Variants in STK38 observed in about 807,000 individuals in gnomAD.
The protein encoded by STK38 is serine/threonine-protein kinase 38.
A neutral mutation model predicts 59.0 loss-of-function variants in STK38; 26 were observed. That is an observed-to-expected ratio of 0.44 (90% CI 0.32 to 0.61). The LOEUF (loss-of-function observed/expected upper bound fraction) is 0.61. Ranked by LOEUF, STK38 falls within the 20% of genes least tolerant of loss-of-function variation. The pLI is 0.04. For missense variants in STK38, 433 were observed against 566.0 expected (o/e 0.76, Z 2.38); for synonymous variants, 175 against 176.6 (o/e 0.99, Z 0.07).
chr6:36,513,009 C>A (rs1178240638), intron 7 of STK38, among the ~76,000 whole-genome samples: 1 of 151,574 alleles, frequency 6.6e-6, no homozygotes, highest in Non-Finnish European at 1.5e-5. Context: ...AATTTTCTAC[C>A]ATGTTTATGC....
chr6:36,503,018 G>C (rs1490259808), intron 9 of STK38, among the ~76,000 whole-genome samples: 1 of 152,134 alleles, frequency 6.6e-6, no homozygotes, highest in East Asian at 1.9e-4. Flanking sequence ...ATGGACACTG[G>C]ATTATTCCCA....
chr6:36,525,576 G>T lies in STK38; in HGVS notation c.183+15C>A. On this transcript the variant is annotated intron_variant, in intron 3 of 13. Transcript: ENST00000229812. ...CACGCTGGGTTTTAAGGAAAACATT[G>T]CCAATATTAATTACCTCCTCATCTT... 1 of 1,611,838 alleles carries T rather than the reference G, an allele frequency of 6.2e-7. No homozygotes were observed. Among genetic ancestry groups the T allele is most frequent in the Non-Finnish European group, 8.5e-7 (1 of 1,178,236 alleles).
chr6:36,526,916 G>A lies in STK38; in HGVS notation c.132-1274C>T, dbSNP rs532510862. 8.9e-5 allele frequency among the ~76,000 whole-genome samples: 13 copies of A among 145,926 alleles called. No individual in the cohort carries two copies. The South Asian group carries it at 1.1e-3, about 12-fold the overall frequency. On this transcript the variant is annotated intron_variant, in intron 2 of 13. Coordinates refer to ENST00000229812, the MANE Select transcript of STK38 (RefSeq NM_007271.4). ...CTGTCTCAAAAAAAACAAAAAGGCC[G>A]GGCGTGGTGGCTCACGCCTGTAATC... is the stretch of plus-strand genomic sequence containing the variant.
rs1001465129 is a variant in STK38 at position 36,506,502 on chromosome 6, C to G, written c.834+81G>C. 77 of 1,460,818 alleles carry G rather than the reference C, an allele frequency of 5.3e-5. No individual in the cohort carries two copies. In the Admixed American group the frequency reaches 5.7e-4, roughly 11 times the overall value. The allele number at this position is 1,460,818 out of a possible 1,614,324, so 90.5% of individuals were successfully genotyped here. On this transcript the variant is annotated intron_variant, in intron 9 of 13. Coordinates refer to ENST00000229812, the MANE Select transcript of STK38 (RefSeq NM_007271.4). ...CAAGGGATATGTTGCAAATATTTGTCAAATGCAAATTTATGTGAAAATCTT... is the reference window on the plus strand; with the variant it reads ...CAAGGGATATGTTGCAAATATTTGTGAAATGCAAATTTATGTGAAAATCTT...
rs1200866771 is a variant in STK38, at chr6:36,496,791, G to C, written c.1187C>G (p.Ala396Gly). 6.2e-7 allele frequency: 1 copy of C among 1,612,380 alleles called. No homozygotes were observed. The highest frequency in any genetic ancestry group is 1.3e-5 in the African/African-American group (1 of 74,854). Residue 396 changes from alanine to glycine, a missense_variant, in exon 13 of 14, where the codon GCA (alanine) becomes GGA (glycine). Transcript: ENST00000229812. ...AATGCTTTTGATTTCAATAGATATT[G>C]CAGCAGGTCTCTCTCTGCCAAGAAT... ...DWEHIRERPA[A>G]ISIEIKSIDD...
At chr6:36,528,053 G>A (rs1403216561) in intron 2 of STK38, among the ~76,000 whole-genome samples, 1 of 151,780 alleles carries the variant, frequency 6.6e-6, no homozygotes, top group African/African-American at 2.4e-5. Context: ...AGCTTGCAGT[G>A]AGCCGAGATC....
At chr6:36,544,112 CATAA>C (rs1476903215) in intron 1 of STK38, among the ~76,000 whole-genome samples, 10 of 152,134 alleles carry the variant, frequency 6.6e-5, no homozygotes, top group African/African-American at 2.4e-4. Flanking sequence ...ACAAAAATCA[CATAA>C]ATAATTCCTT....
intron 2 of STK38, among the ~76,000 whole-genome samples, chr6:36,530,433 C>T (rs544383191): frequency 3.1e-4 from 46 of 150,134 alleles, no homozygotes; most frequent in South Asian, 1.1e-3. Context: ...GGTACTATCT[C>T]GGCTCACTGC....
At chr6:36,529,940 G>C (rs551053340) in intron 2 of STK38, among the ~76,000 whole-genome samples, 1 of 152,184 alleles carries the variant, frequency 6.6e-6, no homozygotes, top group South Asian at 2.1e-4. Context: ...AGGAAAAATA[G>C]TGTATTTAAC....
intron 5 of STK38, among the ~76,000 whole-genome samples, chr6:36,519,511 G>A (rs1777332448): frequency 6.6e-6 from 1 of 152,138 alleles, no homozygotes; most frequent in South Asian, 2.1e-4. Context: ...TCACCCTGGA[G>A]GACACAATGG....
intron 3 of STK38, among the ~76,000 whole-genome samples, chr6:36,525,123 T>G (rs1265560655): frequency 6.6e-6 from 1 of 152,152 alleles, no homozygotes; most frequent in Non-Finnish European, 1.5e-5. Context: ...ACCTCATGCA[T>G]GCGGAGCTTA....
At chr6:36,546,746 CAA>C (rs1466406906) in intron 1 of STK38, among the ~76,000 whole-genome samples, 1 of 152,154 alleles carries the variant, frequency 6.6e-6, no homozygotes, top group Non-Finnish European at 1.5e-5. Context: ...GGAGCCGACT[CAA>C]AGATACCACA....
intron 9 of STK38, among the ~76,000 whole-genome samples, chr6:36,501,240 A>G (rs1776830432): frequency 6.6e-6 from 1 of 152,120 alleles, no homozygotes; most frequent in Non-Finnish European, 1.5e-5. Flanking sequence ...GGTGTGAGCC[A>G]CCGCACCTGA....
rs542349932 is a variant in STK38, at chr6:36,525,574, T to C, written c.183+17A>G. Reference sequence around the variant, plus strand: ...GCCACGCTGGGTTTTAAGGAAAACATTGCCAATATTAATTACCTCCTCATC... The same window carrying C: ...GCCACGCTGGGTTTTAAGGAAAACACTGCCAATATTAATTACCTCCTCATC... On this transcript the variant is annotated intron_variant, in intron 3 of 13. Coordinates refer to ENST00000229812, the MANE Select transcript of STK38 (RefSeq NM_007271.4). 3.1e-6 allele frequency: 5 copies of C among 1,611,828 alleles called. No homozygotes were observed. The highest frequency in any genetic ancestry group is 1.3e-5 in the African/African-American group (1 of 74,976).
Position 36,495,672 on chromosome 6 carries a change from T to C in STK38, c.*112A>G, listed in dbSNP as rs1776683196. The C allele has an allele frequency of 8.6e-6, 12 of 1,393,238 alleles. No homozygotes were observed. The South Asian group carries it at 1.5e-4, about 17-fold the overall frequency. 86.3% of individuals were successfully genotyped at this position (1,393,238 alleles called of 1,614,324 possible). A position where few individuals can be genotyped will look rare whatever the true frequency, so the allele number is the denominator to read the frequency against. The stretch of plus-strand genomic sequence containing the variant: ...TACCACATTTCAGGAGACTTTACTA[T>C]GACATATTGGTGGGTTCCATCAACT... On this transcript the variant is annotated 3_prime_UTR_variant, in exon 14 of 14. Transcript: ENST00000229812.
chr6:36,498,090 C>T (rs929183365), intron 11 of STK38, among the ~76,000 whole-genome samples: 5 of 152,004 alleles, frequency 3.3e-5, no homozygotes, highest in Non-Finnish European at 2.9e-5. Context: ...CAGGTTCCAC[C>T]ACACCCAGCC....
At chr6:36,502,441 T>C (rs906118198) in intron 9 of STK38, among the ~76,000 whole-genome samples, 2 of 152,242 alleles carry the variant, frequency 1.3e-5, no homozygotes, top group Non-Finnish European at 2.9e-5. Context: ...AGTTGTGTTG[T>C]CCTTTTTCTT....
At chr6:36,532,307 CATAAAAAAAA>C (rs1451871560) in intron 2 of STK38, among the ~76,000 whole-genome samples, 3 of 103,558 alleles carry the variant, frequency 2.9e-5, no homozygotes, top group Non-Finnish European at 5.8e-5. Flanking sequence ...ACCTTGTCTG[CATAAAAAAAA>C]AAAAAAAAAA....
intron 10 of STK38, 80 bp from the exon 11 acceptor site, chr6:36,498,566 CTA>C (rs1582401169): frequency 2.4e-6 from 3 of 1,269,974 alleles, no homozygotes; most frequent in South Asian, 1.4e-5. Context: ...TAATAAAATT[CTA>C]TGTCTTTTTT....
Sources: allele counts gnomAD v4.1 joint callset (sites outside exome capture counted in the v4.1 genomes callset), GRCh38; gene constraint gnomAD v4.1.1; transcripts MANE v1.5; gene names NCBI Gene and HGNC (gene_info 2026-07-23, HGNC 2026-07-21).